The following FRMD4A variants were observed in gnomAD, a reference collection of about 807,000 sequenced individuals.
FRMD4A encodes the protein FERM domain-containing protein 4A.
In FRMD4A, 29 loss-of-function variants were observed where a neutral mutation model predicts 129.1. The ratio of observed to expected loss-of-function variants is 0.22; its 90% CI spans 0.17 to 0.31. The LOEUF (loss-of-function observed/expected upper bound fraction) is 0.31. Ranked by LOEUF, FRMD4A falls within the 10% of genes least tolerant of loss-of-function variation. The pLI, the probability that FRMD4A is intolerant of heterozygous loss-of-function variation, is 1.00. For missense variants in FRMD4A, 1,272 were observed against 1,375.8 expected, an observed-to-expected ratio of 0.92 and a Z score of 1.19; for synonymous variants, 634 against 571.6, an observed-to-expected ratio of 1.11 and a Z score of -1.56.
chr10:13,807,697 C>T (rs1283513688), intron 4 of FRMD4A, among the ~76,000 whole-genome samples: 1 of 152,024 alleles, frequency 6.6e-6, no homozygotes, highest in Non-Finnish European at 1.5e-5. Context: ...TATATATTTT[C>T]TCCAGTTTCA....
At chr10:14,111,323 G>T (rs191763945) in intron 2 of FRMD4A, among the ~76,000 whole-genome samples, 5,314 of 151,992 alleles carry the variant, frequency 0.035, 140 homozygotes, top group Non-Finnish European at 0.052. Context: ...TATTTATTCT[G>T]CTTTTTAAAA....
At chr10:13,708,036 C>A in intron 12 of FRMD4A, 1 of 234,648 alleles carries the variant, frequency 4.3e-6, no homozygotes, top group Non-Finnish European at 7.0e-6. Flanking sequence ...TGTGCACACA[C>A]ATTTGCATTA....
chr10:14,115,698 C>G (rs944799243), intron 2 of FRMD4A, among the ~76,000 whole-genome samples: 1 of 152,134 alleles, frequency 6.6e-6, no homozygotes, highest in Non-Finnish European at 1.5e-5. Flanking sequence ...CCTGGTACCT[C>G]CCTCCCCGCT....
chr10:13,927,652 A>T (rs1017502355), intron 2 of FRMD4A, among the ~76,000 whole-genome samples: 5 of 152,248 alleles, frequency 3.3e-5, no homozygotes, highest in Non-Finnish European at 5.9e-5. Context: ...GTCCTCTTCC[A>T]CAAGTGATGC....
intron 2 of FRMD4A, among the ~76,000 whole-genome samples, chr10:14,127,938 CTT>C (rs1291632101): frequency 9.3e-5 from 1 of 10,698 alleles, no homozygotes; most frequent in East Asian, 1.2e-3. Flanking sequence ...TTCTTTCTTT[CTT>C]TCTTTCTTTC....
At chr10:13,949,444 C>T (rs1788848359) in intron 2 of FRMD4A, among the ~76,000 whole-genome samples, 1 of 152,018 alleles carries the variant, frequency 6.6e-6, no homozygotes, top group South Asian at 2.1e-4. Context: ...TTATACATGA[C>T]TTCAAGTTGA....
At chr10:14,309,304 G>T (rs1161668666) in intron 2 of FRMD4A, among the ~76,000 whole-genome samples, 2 of 152,224 alleles carry the variant, frequency 1.3e-5, no homozygotes, top group East Asian at 3.9e-4. Context: ...TTTTAAATTA[G>T]CTGGGTGTAA....
At chr10:14,069,750 C>T (rs1311572975) in intron 2 of FRMD4A, among the ~76,000 whole-genome samples, 1 of 152,128 alleles carries the variant, frequency 6.6e-6, no homozygotes, top group Admixed American at 6.5e-5. Context: ...CTCCCTGCCC[C>T]TGCCCCAGTG....
chr10:13,814,602 AAAAAAG>A (rs1411807677), intron 3 of FRMD4A, among the ~76,000 whole-genome samples: 24 of 139,338 alleles, frequency 1.7e-4, no homozygotes, highest in African/African-American at 4.8e-4. Flanking sequence ...AAAAAAAAAA[AAAAAAG>A]AAAGAAAGGG....
At chr10:14,021,465 G>A (rs1832748023) in intron 2 of FRMD4A, among the ~76,000 whole-genome samples, 1 of 152,092 alleles carries the variant, frequency 6.6e-6, no homozygotes, top group African/African-American at 2.4e-5. Context: ...GCTGAGGTGG[G>A]AGGATTGTTT....
At chr10:13,845,750 G>A (rs2094036332) in intron 3 of FRMD4A, among the ~76,000 whole-genome samples, 2 of 152,198 alleles carry the variant, frequency 1.3e-5, no homozygotes, top group African/African-American at 4.8e-5. Context: ...TCAATTTACA[G>A]AGAAAATTAG....
intron 2 of FRMD4A, among the ~76,000 whole-genome samples, chr10:14,305,596 A>G: frequency 6.6e-6 from 1 of 152,180 alleles, no homozygotes; most frequent in Non-Finnish European, 1.5e-5. Flanking sequence ...GTGGTTTTCT[A>G]TACCTTCATA....
intron 2 of FRMD4A, among the ~76,000 whole-genome samples, chr10:13,926,057 G>A (rs1565051742): frequency 6.6e-6 from 1 of 152,110 alleles, no homozygotes; most frequent in African/African-American, 2.4e-5. Flanking sequence ...GTGGTTCAAG[G>A]AGGAAATTCG....
rs116180357 is a variant in FRMD4A at position 14,022,433 on chromosome 10, C to T, written c.46-163521G>A. ...ATAGGCTTAAAAGAGAACTTGACCT[C>T]CAAAACCTTGTGTGATCTGGCCCAA... On this transcript the variant is annotated intron_variant, in intron 2 of 24. Coordinates refer to ENST00000357447, the MANE Select transcript of FRMD4A (RefSeq NM_018027.5). 1.9e-3 allele frequency among the ~76,000 whole-genome samples: 287 copies of T among 152,308 alleles called. 3 individuals carry two copies. Among genetic ancestry groups the T allele is most frequent in the African/African-American group, 5.7e-3 (235 of 41,564 alleles).
At chr10:13,856,166 GTATC>G (rs1452308581) in intron 3 of FRMD4A, among the ~76,000 whole-genome samples, 6 of 151,594 alleles carry the variant, frequency 4.0e-5, no homozygotes, top group Non-Finnish European at 8.8e-5. Context: ...GATTGTGTGT[GTATC>G]TATGTATAGG....
At chr10:13,655,259 G>C (rs1021947179) in intron 22 of FRMD4A, 11 of 152,154 alleles carry the variant, frequency 7.2e-5, no homozygotes, top group African/African-American at 2.7e-4. Flanking sequence ...TGTTCCAAAA[G>C]ATCTACCTCA....
chr10:14,014,245 A>C (rs994611150), intron 2 of FRMD4A, among the ~76,000 whole-genome samples: 2 of 152,224 alleles, frequency 1.3e-5, no homozygotes, highest in Non-Finnish European at 1.5e-5. Flanking sequence ...CAATAGGATG[A>C]AATTGAACCA....
chr10:13,923,561 C>A (rs944141532), intron 2 of FRMD4A, among the ~76,000 whole-genome samples: 2 of 152,198 alleles, frequency 1.3e-5, no homozygotes, highest in African/African-American at 2.4e-5. Context: ...TTATTCTAAT[C>A]GGCAAATGGC....
intron 2 of FRMD4A, among the ~76,000 whole-genome samples, chr10:14,018,439 A>G (rs2095706046): frequency 1.5e-5 from 2 of 133,202 alleles, no homozygotes; most frequent in African/African-American, 3.1e-5. Context: ...CTGGGCGACA[A>G]TGCAAGACTC....
Sources: gnomAD v4.1 joint callset for allele counts (sites outside exome capture counted in the v4.1 genomes callset) on GRCh38, gnomAD v4.1.1 for gene constraint, MANE v1.5 for transcripts, NCBI Gene and HGNC (gene_info 2026-07-23, HGNC 2026-07-21) for gene names.